CEACAM1: variants seen among roughly 807,000 people sequenced by gnomAD.
CEACAM1 encodes CEA cell adhesion molecule 1, also known as cell adhesion molecule CEACAM1.
A neutral mutation model predicts 49.1 loss-of-function variants in CEACAM1; 31 were observed. The observed-to-expected ratio is 0.63, with a 90% CI of 0.47 to 0.85. The LOEUF (loss-of-function observed/expected upper bound fraction) is 0.85. Among genes scored for constraint, CEACAM1 ranks in the 40% least tolerant of loss-of-function variants. The probability of loss-of-function intolerance (pLI) is 0.00; values close to 1 mark genes in which losing one functional copy is unlikely to be tolerated. For synonymous variants in CEACAM1, 244 were observed against 247.8 expected (o/e 0.98, Z 0.14); for missense variants, 570 against 645.3 (o/e 0.88, Z 1.26).
chr19:42,523,427 T>C (rs2041809571), intron 2 of CEACAM1, among the ~76,000 whole-genome samples: 1 of 152,122 alleles, frequency 6.6e-6, no homozygotes, highest in Non-Finnish European at 1.5e-5. Context: ...CCCCTAAAGA[T>C]AGAGCAGAGT....
chr19:42,521,959 G>A lies in CEACAM1; in HGVS notation c.668C>T (p.Ala223Val), dbSNP rs190497484. 4.7e-5 allele frequency: 76 copies of A among 1,614,222 alleles called. No individual in the cohort carries two copies. Among genetic ancestry groups the A allele is most frequent in the East Asian group, 1.8e-4 (8 of 44,882 alleles). The change falls in exon 3 of 9, where the codon GCG becomes GTG. Residue 223 changes from alanine (A) to valine (V), a missense_variant. Ala to Val is a moderately conservative substitution (Grantham distance 64, BLOSUM62 0). Coordinates refer to ENST00000161559, the MANE Select transcript of CEACAM1 (RefSeq NM_001712.5). ...CAAGGTGACTGGGTCACTGCGGTTC[G>A]CACTCACTGGGTTCTGTATTTCACA... ...YECEIQNPVS[A>V]NRSDPVTLNV...
At chr19:42,516,402 A>G (rs1483845168) in intron 5 of CEACAM1, among the ~76,000 whole-genome samples, 1 of 152,190 alleles carries the variant, frequency 6.6e-6, no homozygotes, top group Non-Finnish European at 1.5e-5. Flanking sequence ...AAAAAATTCT[A>G]TTTATAAGAG....
Position 42,511,637 on chromosome 19 carries a change from A to G in CEACAM1, c.1377-9T>C, listed in dbSNP as rs752258543. 1.2e-5 allele frequency: 20 copies of G among 1,613,680 alleles called. No homozygotes were observed. Among genetic ancestry groups the G allele is most frequent in the Admixed American group, 1.7e-5 (1 of 60,002 alleles). Reference sequence around the variant, plus strand: ...CACGCTGGTCGCTTGCCCTAAATAAATATCAGAAACTGTGACTGCTATTCC... The same window carrying G: ...CACGCTGGTCGCTTGCCCTAAATAAGTATCAGAAACTGTGACTGCTATTCC... On this transcript the variant is annotated splice_polypyrimidine_tract_variant and intron_variant, in intron 6 of 8. Transcript: ENST00000161559.
At position 42,508,915 on chromosome 19, in the gene CEACAM1, C is replaced by T. The variant is rs2041388054; in HGVS notation, c.*194G>A. On this transcript the variant is annotated 3_prime_UTR_variant, in exon 9 of 9. Coordinates refer to ENST00000161559, the MANE Select transcript of CEACAM1 (RefSeq NM_001712.5). ...GAAGGTTGGGTTTCCTACAGACTCC[C>T]AATGTACTTTCATCTATTGACACTG... 2 of 572,792 alleles carry T rather than the reference C, an allele frequency of 3.5e-6. No individual in the cohort carries two copies. The highest frequency in any genetic ancestry group is 7.0e-5 in the Admixed American group (2 of 28,504). 35.5% of individuals were successfully genotyped at this position (572,792 alleles called of 1,614,324 possible).
Position 42,521,416 on chromosome 19 carries a change from G to A in CEACAM1, c.809C>T (p.Ser270Phe). ...YAASNPPAQYSWLINGTFQQS... is the reference protein window; with the variant it reads ...YAASNPPAQYFWLINGTFQQS... ...CTGGAATGTTCCATTGATAAGCCAG[G>A]AGTACTGTGCAGGTGGGTTAGAGGC... The change falls in exon 4 of 9, where the codon TCC (serine) becomes TTC (phenylalanine). Residue 270 changes from serine (S) to phenylalanine (F), a missense_variant. Transcript: ENST00000161559. 1 of 1,614,242 alleles carries A rather than the reference G, an allele frequency of 6.2e-7. No homozygotes were observed. The highest frequency in any genetic ancestry group is 2.2e-5 in the East Asian group (1 of 44,886).
At chr19:42,510,139 G>T (rs1262196706) in intron 8 of CEACAM1, among the ~76,000 whole-genome samples, 1 of 152,172 alleles carries the variant, frequency 6.6e-6, no homozygotes, top group South Asian at 2.1e-4. Context: ...AGGCTGGAGC[G>T]CAATGGCGCA....
rs1252930404 is a variant in CEACAM1 at position 42,527,327 on chromosome 19, T to C, written c.138A>G (p.Ala46=). The change falls in exon 2 of 9, where the codon GCA becomes GCG. Residue 46 remains alanine (A), a synonymous_variant. Transcript: ENST00000161559. ...LTTESMPFNV[A]EGKEVLLLVH... is the part of the protein sequence containing the mutation. The stretch of plus-strand genomic sequence containing the variant: ...CAAGGAGAAGAACCTCCTTCCCCTC[T>C]GCAACATTGAATGGCATGGATTCAG... 2 of 1,613,888 alleles carry C rather than the reference T, an allele frequency of 1.2e-6. No individual in the cohort carries two copies. The highest frequency in any genetic ancestry group is 1.7e-6 in the Non-Finnish European group (2 of 1,179,942).
intron 8 of CEACAM1, among the ~76,000 whole-genome samples, chr19:42,510,180 G>A (rs1471090515): frequency 6.6e-6 from 1 of 152,108 alleles, no homozygotes; most frequent in African/African-American, 2.4e-5. Flanking sequence ...CCACCTCCTG[G>A]GTTCACGCCA....
At position 42,507,373 on chromosome 19, in the gene CEACAM1, T is replaced by C. The variant is rs2147759252; in HGVS notation, c.*1736A>G. Reference sequence around the variant, plus strand: ...ATTTTCATACATAATTCAGACATGATCTTAGCCAGGAAAAATTAAATAACA... The same window carrying C: ...ATTTTCATACATAATTCAGACATGACCTTAGCCAGGAAAAATTAAATAACA... On this transcript the variant is annotated 3_prime_UTR_variant, in exon 9 of 9. Coordinates refer to ENST00000161559, the MANE Select transcript of CEACAM1 (RefSeq NM_001712.5). 1 of 152,254 alleles carries C rather than the reference T, an allele frequency of 6.6e-6. No homozygotes were observed. The highest frequency in any genetic ancestry group is 3.4e-3 in the Middle Eastern group (1 of 294). The allele number at this position is 152,254 out of a possible 1,614,324, so 9.4% of individuals were successfully genotyped here.
intron 5 of CEACAM1, chr19:42,514,995 G>A: frequency 1.5e-6 from 1 of 663,810 alleles, no homozygotes; most frequent in Non-Finnish European, 2.7e-6. Context: ...ATGGGGCCAG[G>A]CGTGGTGGCT....
At chr19:42,525,597 C>CTCACT (rs1394668232) in intron 2 of CEACAM1, 1 of 152,192 alleles carries the variant, frequency 6.6e-6, no homozygotes, top group African/African-American at 2.4e-5. Flanking sequence ...GGTTAATTCT[C>CTCACT]CATTTGATCT....
intron 4 of CEACAM1, chr19:42,521,005 C>G: frequency 2.1e-6 from 1 of 471,820 alleles, no homozygotes; most frequent in Non-Finnish European, 3.8e-6. Flanking sequence ...TCTGTGAAGC[C>G]CCTCCTGCTA....
In CEACAM1 at chr19:42,519,403, G is replaced by A. The variant is rs2147789482; in HGVS notation, c.959-168C>T. 6 of 640,744 alleles carry A rather than the reference G, an allele frequency of 9.4e-6. No homozygotes were observed. In the East Asian group the frequency reaches 1.6e-4, roughly 17 times the overall value. 39.7% of individuals were successfully genotyped at this position (640,744 alleles called of 1,614,324 possible). A position where few individuals can be genotyped will look rare whatever the true frequency, so the allele number is the denominator to read the frequency against. On this transcript the variant is annotated intron_variant, in intron 4 of 8. Transcript: ENST00000161559. ...GCCCTGACCCTCTGCAGAAGGTCGAGTGTCTTTGTTCAGGTGATGAATTGT... is the reference window on the plus strand; with the variant it reads ...GCCCTGACCCTCTGCAGAAGGTCGAATGTCTTTGTTCAGGTGATGAATTGT...
rs750341468 is a variant in CEACAM1 at position 42,512,382 on chromosome 19, C to T, written c.1344G>A (p.Leu448=). The T allele has an allele frequency of 3.1e-6, 5 of 1,614,152 alleles. No individual in the cohort carries two copies. In the South Asian group the frequency reaches 5.5e-5, roughly 18 times the overall value. Reference sequence around the variant, plus strand: ...TCTTCCCGAAATGCAGAAAACATGCCAGGGCTACTGCTATCAGAGCAACCA... The same window carrying T: ...TCTTCCCGAAATGCAGAAAACATGCTAGGGCTACTGCTATCAGAGCAACCA... ...VALVALIAVA[L]ACFLHFGKTG... is the part of the protein sequence containing the mutation. Residue 448 remains leucine, a synonymous_variant, in exon 6 of 9, where the codon CTG becomes CTA. Coordinates refer to ENST00000161559, the MANE Select transcript of CEACAM1 (RefSeq NM_001712.5).
In CEACAM1 at chr19:42,527,255, C is replaced by T. The variant is rs79326931; in HGVS notation, c.210G>A (p.Gly70=). 4 of 1,577,968 alleles carry T rather than the reference C, an allele frequency of 2.5e-6. No individual in the cohort carries two copies. Among genetic ancestry groups the T allele is most frequent in the Middle Eastern group, 1.7e-4 (1 of 6,050 alleles). ...QQLFGYSWYK[G]ERVDGNRQIV... Reference sequence around the variant, plus strand: ...TTTGACGGTTGCCATCCACTCTTTCCCCTTTGTACCAGCTGTAGCCAAAAA... The same window carrying T: ...TTTGACGGTTGCCATCCACTCTTTCTCCTTTGTACCAGCTGTAGCCAAAAA... The change falls in exon 2 of 9, where the codon GGG becomes GGA. Residue 70 remains glycine, a synonymous_variant. Coordinates refer to ENST00000161559, the MANE Select transcript of CEACAM1 (RefSeq NM_001712.5).
At position 42,518,973 on chromosome 19, in the gene CEACAM1, G is replaced by A. The variant is rs1218322761; in HGVS notation, c.1221C>T (p.Ser407=). The A allele has an allele frequency of 3.1e-6, 5 of 1,614,056 alleles. No homozygotes were observed. Among genetic ancestry groups the A allele is most frequent in the Non-Finnish European group, 4.2e-6 (5 of 1,180,040 alleles). ...AGTTTACGTTCAGCATGATGGGGTC[G>A]CTTTGGTTCTTACTGATTGGGTTGA... The part of the protein sequence containing the change: ...EVFNPISKNQ[S]DPIMLNVNYN... The change falls in exon 5 of 9, where the codon AGC becomes AGT. Residue 407 remains serine (S), a synonymous_variant. Coordinates refer to ENST00000161559, the MANE Select transcript of CEACAM1 (RefSeq NM_001712.5).
At chr19:42,522,226 T>C in intron 2 of CEACAM1, 24 bp from the exon 3 acceptor site, 1 of 1,613,744 alleles carries the variant, frequency 6.2e-7, no homozygotes, top group Non-Finnish European at 8.5e-7. Context: ...AGAGAGAAGA[T>C]TGCCCTGTGT....
rs982997867 is a variant in CEACAM1, at chr19:42,508,361, A to G, written c.*748T>C. The G allele has an allele frequency of 6.6e-6, 1 of 152,362 alleles. No individual in the cohort carries two copies. Among genetic ancestry groups the G allele is most frequent in the African/African-American group, 2.4e-5 (1 of 41,472 alleles). 9.4% of individuals were successfully genotyped at this position (152,362 alleles called of 1,614,324 possible). On this transcript the variant is annotated 3_prime_UTR_variant, in exon 9 of 9. Transcript: ENST00000161559. ...ACCCCTCCCTCTCAGCACTGCCTTG[A>G]ACAGAGCCCATAAAGATATTAAAAC...
Position 42,518,920 on chromosome 19 carries a change from A to G in CEACAM1, c.1246+28T>C, listed in dbSNP as rs183792251. ...ATTGACAGAGTAATCCTAGAGGGAC[A>G]TATAGGAAGGGGTGAGGAGTCACTT... is the stretch of plus-strand genomic sequence containing the variant. On this transcript the variant is annotated intron_variant, in intron 5 of 8. Transcript: ENST00000161559. 3.4e-3 allele frequency: 5,512 copies of G among 1,611,404 alleles called. 11 individuals are homozygous for G. The highest frequency in any genetic ancestry group is 4.3e-3 in the Non-Finnish European group (5,085 of 1,177,510).
Sources: gnomAD v4.1 joint callset for allele counts (sites outside exome capture counted in the v4.1 genomes callset) on GRCh38, gnomAD v4.1.1 for gene constraint, MANE v1.5 for transcripts, NCBI Gene and HGNC (gene_info 2026-07-23, HGNC 2026-07-21) for gene names.